Variants in OTUD7A observed in about 807,000 individuals in gnomAD.
OTUD7A encodes OTU deubiquitinase 7A, also known as OTU domain-containing protein 7A.
In OTUD7A, 12 loss-of-function variants were observed where a neutral mutation model predicts 65.7. The ratio of observed to expected loss-of-function variants is 0.18; its 90% CI spans 0.12 to 0.30. OTUD7A has a LOEUF of 0.30. Ranked by LOEUF, OTUD7A falls within the 10% of genes least tolerant of loss-of-function variation. The pLI, the probability that OTUD7A is intolerant of heterozygous loss-of-function variation, is 1.00. For synonymous variants in OTUD7A, 641 were observed against 586.3 expected (o/e 1.09, Z -1.35); for missense variants, 1,148 against 1,304.8 (o/e 0.88, Z 1.85).
intron 3 of OTUD7A, among the ~76,000 whole-genome samples, chr15:31,632,001 T>G: frequency 6.6e-6 from 1 of 152,294 alleles, no homozygotes; most frequent in South Asian, 2.1e-4. Flanking sequence ...TAGTTTTTTT[T>G]CAAAGTTTTT....
At chr15:31,637,436 C>G (rs9972335) in intron 3 of OTUD7A, among the ~76,000 whole-genome samples, 4,668 of 152,236 alleles carry the variant, frequency 0.031, 243 homozygotes, top group African/African-American at 0.11. Flanking sequence ...TGACAATGCA[C>G]CTAGTTACCC....
At chr15:31,609,052 C>A (rs994872976) in intron 3 of OTUD7A, among the ~76,000 whole-genome samples, 3 of 152,110 alleles carry the variant, frequency 2.0e-5, no homozygotes, top group Non-Finnish European at 2.9e-5. Context: ...GAGAGCTGAG[C>A]GAAATACAGG....
At chr15:31,546,666 C>A (rs1231767922) in intron 5 of OTUD7A, among the ~76,000 whole-genome samples, 2 of 152,228 alleles carry the variant, frequency 1.3e-5, no homozygotes, top group African/African-American at 2.4e-5. Flanking sequence ...TCATTTAAAT[C>A]ACTTGGTCTA....
chr15:31,548,642 T>C (rs933071831), intron 5 of OTUD7A, among the ~76,000 whole-genome samples: 2 of 152,096 alleles, frequency 1.3e-5, no homozygotes, highest in Admixed American at 6.5e-5. Context: ...ATAATTAAAA[T>C]GGCGTATAAT....
chr15:31,485,081 G>A (rs1214584029), intron 12 of OTUD7A, among the ~76,000 whole-genome samples: 1 of 152,184 alleles, frequency 6.6e-6, no homozygotes, highest in East Asian at 1.9e-4. Context: ...ACCCTACTTG[G>A]TCTTGGTCCC....
intron 1 of OTUD7A, among the ~76,000 whole-genome samples, chr15:31,756,364 G>T (rs1416116840): frequency 6.6e-6 from 1 of 152,156 alleles, no homozygotes; most frequent in African/African-American, 2.4e-5. Context: ...AGACATTAAA[G>T]AAAACCTTTT....
At chr15:31,779,573 C>G (rs980580577) in intron 1 of OTUD7A, among the ~76,000 whole-genome samples, 16 of 152,146 alleles carry the variant, frequency 1.1e-4, no homozygotes, top group Non-Finnish European at 2.4e-4. Flanking sequence ...AAGAAATCTC[C>G]TTTCCGTGGC....
intron 1 of OTUD7A, among the ~76,000 whole-genome samples, chr15:31,847,730 G>C (rs1200314009): frequency 6.6e-6 from 1 of 152,168 alleles, no homozygotes; most frequent in South Asian, 2.1e-4. Flanking sequence ...CTGAGACTGG[G>C]TAACTTATGA....
intron 1 of OTUD7A, among the ~76,000 whole-genome samples, chr15:31,664,413 C>T (rs1892261784): frequency 6.6e-6 from 1 of 152,000 alleles, no homozygotes; most frequent in African/African-American, 2.4e-5. Flanking sequence ...ATTTCCCTGA[C>T]CATTAGAGAT....
At chr15:31,848,283 G>A (rs774747979) in intron 1 of OTUD7A, among the ~76,000 whole-genome samples, 10 of 152,216 alleles carry the variant, frequency 6.6e-5, no homozygotes, top group African/African-American at 7.2e-5. Context: ...TGCTGGGCAC[G>A]CAGGGAGGGG....
At chr15:31,760,850 C>T (rs1433717705) in intron 1 of OTUD7A, among the ~76,000 whole-genome samples, 1 of 152,136 alleles carries the variant, frequency 6.6e-6, no homozygotes, top group Non-Finnish European at 1.5e-5. Context: ...TAAACCCTTG[C>T]ATTTATGTCT....
chr15:31,820,692 C>T (rs1246665232), intron 1 of OTUD7A, among the ~76,000 whole-genome samples: 1 of 152,158 alleles, frequency 6.6e-6, no homozygotes, highest in Non-Finnish European at 1.5e-5. Context: ...GGTTGGCTGC[C>T]CACAAGCTAG....
chr15:31,725,093 C>T (rs1033645784), intron 1 of OTUD7A, among the ~76,000 whole-genome samples: 1 of 152,100 alleles, frequency 6.6e-6, no homozygotes. Flanking sequence ...GCCCAGAGCC[C>T]CCCACATGAC....
rs1476325510 is a variant in OTUD7A at position 31,511,129 on chromosome 15, C to T, written c.894-7311G>A. Among the ~76,000 whole-genome samples, 4 of 28,068 alleles carry T rather than the reference C, an allele frequency of 1.4e-4. 2 individuals carry two copies. The highest frequency in any genetic ancestry group is 2.3e-4 in the Non-Finnish European group (4 of 17,110). The allele number at this position is 28,068 out of a possible 152,430, so 18.4% of individuals were successfully genotyped here. On this transcript the variant is annotated intron_variant, in intron 8 of 12. Coordinates refer to ENST00000307050, the MANE Select transcript of OTUD7A (RefSeq NM_001382637.1). ...CTATATGTAACATACATATGTATATCTATATGTAACATACATATGTATATC... is the reference window on the plus strand; with the variant it reads ...CTATATGTAACATACATATGTATATTTATATGTAACATACATATGTATATC...
At chr15:31,499,294 G>A (rs1186898759) in intron 10 of OTUD7A, among the ~76,000 whole-genome samples, 1 of 152,176 alleles carries the variant, frequency 6.6e-6, no homozygotes, top group African/African-American at 2.4e-5. Flanking sequence ...TCTGTCACAG[G>A]GTGCTGTTTA....
At chr15:31,657,906 C>A (rs1427497751) in intron 1 of OTUD7A, among the ~76,000 whole-genome samples, 1 of 152,202 alleles carries the variant, frequency 6.6e-6, no homozygotes. Flanking sequence ...CGTGCCCTGG[C>A]CCTGCATTCC....
At position 31,574,850 on chromosome 15, in the gene OTUD7A, G is replaced by A. The variant is rs563164400; in HGVS notation, c.152-4653C>T. On this transcript the variant is annotated intron_variant, in intron 3 of 12. Transcript: ENST00000307050. ...CAACCACAGCCTTTCCTACACTGCA[G>A]GCCAATATTCCCCTCCTCTAATCAG... is the stretch of plus-strand genomic sequence containing the variant. Among the ~76,000 whole-genome samples, 8 of 152,166 alleles carry A rather than the reference G, an allele frequency of 5.3e-5. No individual in the cohort carries two copies. In the East Asian group the frequency reaches 1.5e-3, roughly 29 times the overall value.
rs1429360217 is a variant in OTUD7A, at chr15:31,483,241, G to C, written c.*53C>G. ...CATGTAAAAAAGACACCGACACAAT[G>C]GAAAAGAAATCCTCGAAGGTAGAAC... is the stretch of plus-strand genomic sequence containing the variant. On this transcript the variant is annotated 3_prime_UTR_variant, in exon 13 of 13. Transcript: ENST00000307050. 3 of 1,059,402 alleles carry C rather than the reference G, an allele frequency of 2.8e-6. No individual in the cohort carries two copies. Among genetic ancestry groups the C allele is most frequent in the Non-Finnish European group, 3.4e-6 (3 of 879,222 alleles). 65.6% of individuals were successfully genotyped at this position (1,059,402 alleles called of 1,614,324 possible). A position where few individuals can be genotyped will look rare whatever the true frequency, so the allele number is the denominator to read the frequency against.
At chr15:31,488,375 A>G (rs77919941) in intron 10 of OTUD7A, among the ~76,000 whole-genome samples, 7,223 of 152,202 alleles carry the variant, frequency 0.047, 563 homozygotes, top group African/African-American at 0.17. Context: ...GGGGGTATCT[A>G]CAGGTTTGGG....
Sources: gnomAD v4.1 joint callset for allele counts (sites outside exome capture counted in the v4.1 genomes callset) on GRCh38, gnomAD v4.1.1 for gene constraint, MANE v1.5 for transcripts, NCBI Gene and HGNC (gene_info 2026-07-23, HGNC 2026-07-21) for gene names.